MOBP: variants seen among roughly 807,000 people sequenced by gnomAD.
MOBP encodes the protein myelin-associated oligodendrocyte basic protein.
MOBP carries 5 observed loss-of-function variants against 15.0 expected under a neutral mutation model. That is an observed-to-expected ratio of 0.33 (90% confidence interval 0.17 to 0.70). MOBP has a LOEUF of 0.70. Among genes scored for constraint, MOBP ranks in the 30% least tolerant of loss-of-function variants. MOBP has a pLI of 0.67. For missense variants in MOBP, 188 were observed against 257.8 expected (o/e 0.73, Z 1.85); for synonymous variants, 88 against 99.0 (o/e 0.89, Z 0.66).
downstream of MOBP, among the ~76,000 whole-genome samples, chr3:39,519,700 T>C (rs1393287614): frequency 6.6e-6 from 1 of 152,184 alleles, no homozygotes; most frequent in Non-Finnish European, 1.5e-5. Flanking sequence ...GTATATTTAT[T>C]CATTACTACA....
At chr3:39,485,871 A>G (rs2042699782) in intron 2 of MOBP, among the ~76,000 whole-genome samples, 1 of 152,192 alleles carries the variant, frequency 6.6e-6, no homozygotes. Flanking sequence ...CATAGTTAAG[A>G]ATATTTGTAA....
rs201537099 is a variant in MOBP, at chr3:39,485,006, C to T, written c.-5+4883C>T. ...GGCCTTCAAAATAATTAAGGACTCT[C>T]TTATGTTTTCATTTTTTCATAGTCT... On this transcript the variant is annotated intron_variant, in intron 2 of 3. Transcript: ENST00000684792. Among the ~76,000 whole-genome samples, 5 of 152,280 alleles carry T rather than the reference C, an allele frequency of 3.3e-5. No individual in the cohort carries two copies. The East Asian group carries it at 9.6e-4, about 29-fold the overall frequency.
At chr3:39,496,056 A>G (rs576763802) in intron 2 of MOBP, among the ~76,000 whole-genome samples, 1 of 152,252 alleles carries the variant, frequency 6.6e-6, no homozygotes, top group African/African-American at 2.4e-5. Flanking sequence ...AAATTTGAAA[A>G]ATATGTAAGG....
chr3:39,503,969 C>T (rs2043014566), downstream of MOBP, among the ~76,000 whole-genome samples: 1 of 152,014 alleles, frequency 6.6e-6, no homozygotes, highest in African/African-American at 2.4e-5. Context: ...GCATTCACCC[C>T]GCAAAGGTAC....
At chr3:39,524,810 A>G (rs1259156373) in exon 5 of MOBP, 1 of 152,206 alleles carries the variant, frequency 6.6e-6, no homozygotes, top group Non-Finnish European at 1.5e-5. Context: ...CAAAATGTCC[A>G]CCAATAGAAT....
At chr3:39,503,470 G>A (rs1362971448), downstream of MOBP, among the ~76,000 whole-genome samples, 3 of 151,982 alleles carry the variant, frequency 2.0e-5, no homozygotes, top group African/African-American at 4.8e-5. Flanking sequence ...ATCGTGTAGG[G>A]ATCAGTGCCC....
At chr3:39,504,501 C>G (rs1398670), downstream of MOBP, among the ~76,000 whole-genome samples, 97,661 of 149,770 alleles carry the variant, frequency 0.65, 34,057 homozygotes, top group Non-Finnish European at 0.78. Context: ...CTTTGACTCC[C>G]TCAGTTAACT....
In MOBP at chr3:39,514,609, G is replaced by A. The variant is rs138939243; in HGVS notation, c.*1226G>A. 8.7e-3 allele frequency: 1,330 copies of A among 152,464 alleles called. 24 individuals are homozygous for A. Among genetic ancestry groups the A allele is most frequent in the East Asian group, 0.025 (130 of 5,182 alleles). The allele number at this position is 152,464 out of a possible 1,614,324, so 9.4% of individuals were successfully genotyped here. A position where few individuals can be genotyped will look rare whatever the true frequency, so the allele number is the denominator to read the frequency against. ...TTGCCTTGGGGGAGAAGAGAGTTAAGTGTGGAAAGGGGTGAGTTATAGGAG... is the reference window on the plus strand; with the variant it reads ...TTGCCTTGGGGGAGAAGAGAGTTAAATGTGGAAAGGGGTGAGTTATAGGAG... On this transcript the variant is annotated 3_prime_UTR_variant, in exon 5 of 5. Coordinates refer to the MOBP transcript ENST00000311042.
At chr3:39,511,487 T>A (rs1017248211) in intron 4 of MOBP, among the ~76,000 whole-genome samples, 2 of 152,090 alleles carry the variant, frequency 1.3e-5, no homozygotes, top group African/African-American at 4.8e-5. Flanking sequence ...TTTGTCAGGG[T>A]GATTGATGTG....
Position 39,502,732 on chromosome 3 carries a change from G to T in MOBP, c.404G>T (p.Arg135Leu). 1 of 1,535,080 alleles carries T rather than the reference G, an allele frequency of 6.5e-7. No homozygotes were observed. The highest frequency in any genetic ancestry group is 8.7e-7 in the Non-Finnish European group (1 of 1,146,554). The stretch of plus-strand genomic sequence containing the variant: ...CCACGGTCCCCTCCGAGGTCTGAGC[G>T]TCAGCCACGTCCCCGCCCAGAGGTC... ...RQPRSPPRSE[R>L]QPRPRPEVRP... Residue 135 changes from arginine (R) to leucine (L), a missense_variant, in exon 4 of 4, where the codon CGT (arginine) becomes CTT (leucine). Around this residue, in one of 2 missense-constraint regions of MOBP, gnomAD observed 133 missense variants for 212.5 expected, o/e 0.63. Transcript: ENST00000684792. This position sits in a 1 kb window ranked among gnomAD's most constrained non-coding sequence, Gnocchi z 6.3.
chr3:39,505,326 T>C (rs545423683), downstream of MOBP, among the ~76,000 whole-genome samples: 10 of 152,294 alleles, frequency 6.6e-5, no homozygotes, highest in African/African-American at 2.4e-4. Context: ...CTGCACAGCA[T>C]GTTTTATATT....
intron 2 of MOBP, chr3:39,499,834 G>C (rs1028085286): frequency 2.9e-6 from 1 of 343,730 alleles, no homozygotes; most frequent in African/African-American, 2.2e-5. Context: ...GAGGGCTCTC[G>C]GGGGTAATGC....
intron 2 of MOBP, among the ~76,000 whole-genome samples, chr3:39,489,530 C>T (rs17038967): frequency 0.13 from 19,980 of 152,190 alleles, 1,472 homozygotes; most frequent in Middle Eastern, 0.2. Context: ...TCTGCCTTTC[C>T]TGTCAGTGGG....
downstream of MOBP, chr3:39,528,073 CAAG>C (rs755965183): frequency 6.6e-6 from 1 of 151,978 alleles, no homozygotes; most frequent in Non-Finnish European, 1.5e-5. Context: ...TTAATGAAAA[CAAG>C]AAAAATTAGT....
At chr3:39,513,426 A>G in exon 5 of MOBP, 1 of 1,614,082 alleles carries the variant, frequency 6.2e-7, no homozygotes, top group Non-Finnish European at 8.5e-7. Context: ...GAAGTGACCA[A>G]GGAGGAGTTT....
At chr3:39,519,935 C>T (rs1300452732), downstream of MOBP, among the ~76,000 whole-genome samples, 4 of 150,848 alleles carry the variant, frequency 2.7e-5, no homozygotes, top group African/African-American at 7.3e-5. Context: ...CACCTCAATG[C>T]GTACATCTCT....
chr3:39,513,529 G>A (rs2043148932), exon 5 of MOBP: 9 of 1,141,118 alleles, frequency 7.9e-6, no homozygotes, highest in Non-Finnish European at 1.2e-5. Context: ...TTATGCAGGG[G>A]CAAACACCTG....
At chr3:39,499,849 C>G in intron 2 of MOBP, 1 of 349,354 alleles carries the variant, frequency 2.9e-6, no homozygotes. Context: ...TAATGCAATT[C>G]ACTGTGTATC....
chr3:39,497,478 G>C (rs1176307000), intron 2 of MOBP, among the ~76,000 whole-genome samples: 1 of 152,154 alleles, frequency 6.6e-6, no homozygotes, highest in East Asian at 1.9e-4. Flanking sequence ...CTATTCCTTG[G>C]GAGGAGGGTT....
Sources: gnomAD v4.1 joint callset for allele counts (sites outside exome capture counted in the v4.1 genomes callset) on GRCh38, gnomAD v4.1.1 for gene constraint, gnomAD v4.1.1 regional missense constraint, Gnocchi (gnomAD v3.1) non-coding constraint, MANE v1.5 for transcripts, NCBI Gene and HGNC (gene_info 2026-07-23, HGNC 2026-07-21) for gene names.